CACNA1C: variants seen among roughly 807,000 people sequenced by gnomAD.
CACNA1C encodes the protein calcium voltage-gated channel subunit alpha1 C, also known as voltage-dependent L-type calcium channel subunit alpha-1C.
A neutral mutation model predicts 229.0 loss-of-function variants in CACNA1C; 30 were observed. The ratio of observed to expected loss-of-function variants is 0.13; its 90% CI spans 0.10 to 0.18. The LOEUF (loss-of-function observed/expected upper bound fraction) is 0.18, where lower values mean the gene tolerates loss of function less well. Among genes scored for constraint, CACNA1C ranks in the 10% least tolerant of loss-of-function variants. The pLI is 1.00. For missense variants in CACNA1C, 1,658 were observed against 2,845.0 expected (o/e 0.58, Z 9.49); for synonymous variants, 1,114 against 1,132.5 (o/e 0.98, Z 0.33).
chr12:2,223,592 G>C (rs2062040367), intron 3 of CACNA1C: 1 of 152,150 alleles, frequency 6.6e-6, no homozygotes, highest in Non-Finnish European at 1.5e-5. Context: ...GATAAGCTAA[G>C]CTGCTTGCTT....
chr12:2,510,593 T>C (rs2099781508), intron 8 of CACNA1C, among the ~76,000 whole-genome samples: 1 of 152,216 alleles, frequency 6.6e-6, no homozygotes, highest in South Asian at 2.1e-4. Context: ...TAAAACAGGA[T>C]TGGGCCAATT....
chr12:2,254,924 C>G (rs918072540), intron 3 of CACNA1C, among the ~76,000 whole-genome samples: 5 of 152,180 alleles, frequency 3.3e-5, no homozygotes, highest in African/African-American at 1.2e-4. Flanking sequence ...TCCCGAAGGT[C>G]TTTTAAGTGA....
intron 9 of CACNA1C, among the ~76,000 whole-genome samples, chr12:2,541,204 G>A (rs1287975674): frequency 2.0e-5 from 3 of 152,096 alleles, no homozygotes; most frequent in Non-Finnish European, 4.4e-5. Context: ...CGGGGGCTGG[G>A]ACCTCAGCAT....
chr12:2,342,508 T>C (rs142170100), intron 3 of CACNA1C, among the ~76,000 whole-genome samples: 1 of 152,340 alleles, frequency 6.6e-6, no homozygotes, highest in East Asian at 1.9e-4. Flanking sequence ...AGCCCATGAA[T>C]GTGACTATGC....
At chr12:2,290,690 C>T (rs2093399279) in intron 3 of CACNA1C, among the ~76,000 whole-genome samples, 1 of 152,104 alleles carries the variant, frequency 6.6e-6, no homozygotes, top group Non-Finnish European at 1.5e-5. Flanking sequence ...GCTGCTCTAC[C>T]CAGAATCCCT....
At chr12:2,292,942 T>C (rs2093658146) in intron 3 of CACNA1C, among the ~76,000 whole-genome samples, 1 of 152,112 alleles carries the variant, frequency 6.6e-6, no homozygotes, top group South Asian at 2.1e-4. Flanking sequence ...TCTTTTTTTT[T>C]TTTTCTGGTG....
intron 1 of CACNA1C, among the ~76,000 whole-genome samples, chr12:2,007,796 T>G (rs887251115): frequency 6.6e-6 from 1 of 152,220 alleles, no homozygotes; most frequent in East Asian, 1.9e-4. Context: ...TAGCTTGGAA[T>G]GACCTTTTCC....
chr12:2,620,984 A>G (rs953541460), intron 29 of CACNA1C, among the ~76,000 whole-genome samples: 1 of 152,214 alleles, frequency 6.6e-6, no homozygotes, highest in Non-Finnish European at 1.5e-5. Context: ...AAATCTCTAC[A>G]CAGTCCTACT....
intron 3 of CACNA1C, among the ~76,000 whole-genome samples, chr12:2,421,912 CAAA>C (rs35245455): frequency 7.0e-6 from 1 of 143,350 alleles, no homozygotes; most frequent in Non-Finnish European, 1.5e-5. Flanking sequence ...TCTGTCTCAA[CAAA>C]AAAAAAAAAG....
At chr12:2,137,967 C>G (rs553190503) in intron 3 of CACNA1C, among the ~76,000 whole-genome samples, 2 of 151,578 alleles carry the variant, frequency 1.3e-5, no homozygotes, top group African/African-American at 4.8e-5. Context: ...GGAGCTCATG[C>G]GGGCCACTCC....
At chr12:2,337,638 T>C (rs896974093) in intron 3 of CACNA1C, among the ~76,000 whole-genome samples, 1 of 152,232 alleles carries the variant, frequency 6.6e-6, no homozygotes, top group African/African-American at 2.4e-5. Flanking sequence ...AGCCCTTTAA[T>C]AATAATAGCT....
At chr12:2,455,464 A>G (rs1182200036) in intron 4 of CACNA1C, among the ~76,000 whole-genome samples, 1 of 152,216 alleles carries the variant, frequency 6.6e-6, no homozygotes, top group Non-Finnish European at 1.5e-5. Context: ...TATTTTGGCT[A>G]TGTCGGGTGA....
At position 2,605,240 on chromosome 12, in the gene CACNA1C, G is replaced by A; in HGVS notation, c.3048+72G>A. On this transcript the variant is annotated intron_variant, in intron 23 of 46. Coordinates refer to ENST00000399655, the MANE Select transcript of CACNA1C (RefSeq NM_000719.7). The surrounding 1 kb of genome is among the most constrained non-coding windows in gnomAD (Gnocchi z 6.2). ...AGTGGGAGCTCCACAGAGGTGAGGGGTGGGTTGGAAGGAGATGATGGTCAG... is the reference window on the plus strand; with the variant it reads ...AGTGGGAGCTCCACAGAGGTGAGGGATGGGTTGGAAGGAGATGATGGTCAG... The A allele has an allele frequency of 3.6e-6, 4 of 1,096,398 alleles. No individual in the cohort carries two copies. Among genetic ancestry groups the A allele is most frequent in the South Asian group, 2.6e-5 (2 of 78,088 alleles). 67.9% of individuals were successfully genotyped at this position (1,096,398 alleles called of 1,614,324 possible).
intron 1 of CACNA1C, among the ~76,000 whole-genome samples, chr12:2,013,231 T>G (rs2044734873): frequency 6.6e-6 from 1 of 152,150 alleles, no homozygotes; most frequent in East Asian, 1.9e-4. Context: ...CTGCTAGCGT[T>G]ACTGTGACAA....
intron 3 of CACNA1C, among the ~76,000 whole-genome samples, chr12:2,358,342 A>T (rs2154529699): frequency 6.6e-6 from 1 of 151,230 alleles, no homozygotes; most frequent in South Asian, 2.1e-4. Context: ...CAGTGCAGAA[A>T]GAGATAGAGG....
chr12:2,136,556 GTT>G (rs958730200), intron 3 of CACNA1C, among the ~76,000 whole-genome samples: 3 of 151,254 alleles, frequency 2.0e-5, no homozygotes, highest in Non-Finnish European at 4.4e-5. Flanking sequence ...TTCAACTAGA[GTT>G]TATGCAGTGT....
chr12:2,433,932 T>C (rs1042863749), intron 3 of CACNA1C, among the ~76,000 whole-genome samples: 3 of 152,178 alleles, frequency 2.0e-5, no homozygotes, highest in African/African-American at 7.2e-5. Flanking sequence ...ACCCTTATCA[T>C]AGCAAGCAAT....
intron 3 of CACNA1C, among the ~76,000 whole-genome samples, chr12:2,382,357 A>G (rs1366126806): frequency 6.6e-6 from 1 of 152,252 alleles, no homozygotes; most frequent in Admixed American, 6.5e-5. Context: ...AGAAGCATGC[A>G]TATTTGTGTA....
intron 3 of CACNA1C, among the ~76,000 whole-genome samples, chr12:2,397,565 C>T (rs994376853): frequency 7.9e-5 from 12 of 152,226 alleles, no homozygotes; most frequent in South Asian, 4.1e-4. Flanking sequence ...CCAGAGTCCA[C>T]GGCTCTGGAA....
Sources: allele counts gnomAD v4.1 joint callset (sites outside exome capture counted in the v4.1 genomes callset), GRCh38; gene constraint gnomAD v4.1.1; non-coding constraint Gnocchi (gnomAD v3.1); transcripts MANE v1.5; gene names NCBI Gene and HGNC (gene_info 2026-07-23, HGNC 2026-07-21).